Variants in EML4 observed in about 807,000 individuals in gnomAD.
EML4 encodes EMAP like 4.
Under a neutral mutation model 129.0 loss-of-function variants are expected in EML4, and 72 were observed. That is an observed-to-expected ratio of 0.56 (90% CI 0.46 to 0.68). The LOEUF (loss-of-function observed/expected upper bound fraction) is 0.68, where lower values mean the gene tolerates loss of function less well. Ranked by LOEUF, EML4 falls within the 30% of genes least tolerant of loss-of-function variation. The probability of loss-of-function intolerance (pLI) is 0.00; values close to 1 mark genes in which losing one functional copy is unlikely to be tolerated. For synonymous variants in EML4, 532 were observed against 405.0 expected (o/e 1.31, Z -3.77); for missense variants, 1,363 against 1,190.6 (o/e 1.14, Z -2.13).
Position 42,325,606 on chromosome 2 carries a change from ATAT to A in EML4, c.2242+53_2242+55del, listed in dbSNP as rs766389876. 6.6e-3 allele frequency: 188 copies of A among 28,630 alleles called. 7 individuals carry two copies. Among genetic ancestry groups the A allele is most frequent in the Non-Finnish European group, 8.5e-3 (143 of 16,774 alleles). 1.8% of individuals were successfully genotyped at this position (28,630 alleles called of 1,614,324 possible). On this transcript the variant is annotated intron_variant, in intron 20 of 22. Transcript: ENST00000318522. ...ATATATATGCTATGATTATATTTATATATATATATATATATATATATATATATA... is the reference window on the plus strand; with the variant it reads ...ATATATATGCTATGATTATATTTATAATATATATATATATATATATATATA...
At chr2:42,186,026 A>C (rs1484678417) in intron 1 of EML4, among the ~76,000 whole-genome samples, 1 of 152,172 alleles carries the variant, frequency 6.6e-6, no homozygotes, top group Non-Finnish European at 1.5e-5. Flanking sequence ...ATTATTTTAT[A>C]ATACCAATTA....
At chr2:42,282,111 C>T (rs893686572) in intron 7 of EML4, among the ~76,000 whole-genome samples, 1 of 152,086 alleles carries the variant, frequency 6.6e-6, no homozygotes, top group Admixed American at 6.6e-5. Context: ...TAAATTAGGT[C>T]CTCCATTTGG....
chr2:42,179,960 C>T (rs1240251023), intron 1 of EML4, among the ~76,000 whole-genome samples: 4 of 152,122 alleles, frequency 2.6e-5, no homozygotes, highest in African/African-American at 9.7e-5. Flanking sequence ...AGGGACAGAG[C>T]ATGCATATGT....
chr2:42,316,524 A>G (rs767971473), intron 18 of EML4, among the ~76,000 whole-genome samples: 8 of 152,250 alleles, frequency 5.3e-5, no homozygotes, highest in African/African-American at 7.2e-5. Flanking sequence ...TTAATTAAAT[A>G]CTTAGCAATT....
At chr2:42,208,277 A>C (rs570399315) in intron 1 of EML4, among the ~76,000 whole-genome samples, 49 of 152,150 alleles carry the variant, frequency 3.2e-4, no homozygotes, top group African/African-American at 1.1e-3. Flanking sequence ...AATCTGAGTA[A>C]TTTTGCCTTA....
intron 8 of EML4, among the ~76,000 whole-genome samples, chr2:42,283,241 C>T (rs1397918423): frequency 6.6e-6 from 1 of 152,192 alleles, no homozygotes; most frequent in African/African-American, 2.4e-5. Context: ...CTTCTCTTCT[C>T]TGGTCTGTAG....
intron 6 of EML4, among the ~76,000 whole-genome samples, chr2:42,270,348 C>G (rs1469551346): frequency 6.6e-6 from 1 of 152,092 alleles, no homozygotes; most frequent in Non-Finnish European, 1.5e-5. Context: ...TGCTTGAGCT[C>G]AGGAGTTCAA....
intron 1 of EML4, among the ~76,000 whole-genome samples, chr2:42,238,548 G>C (rs1370246365): frequency 6.6e-6 from 1 of 152,154 alleles, no homozygotes; most frequent in Non-Finnish European, 1.5e-5. Context: ...TTCAAGACCA[G>C]CTTGGGCAAT....
chr2:42,235,538 A>G (rs1406066474), intron 1 of EML4, among the ~76,000 whole-genome samples: 2 of 152,170 alleles, frequency 1.3e-5, no homozygotes, highest in Admixed American at 6.5e-5. Flanking sequence ...ACTCAACGTT[A>G]GCTTCTCTAA....
At chr2:42,313,837 G>T (rs577321394) in intron 17 of EML4, among the ~76,000 whole-genome samples, 1 of 151,968 alleles carries the variant, frequency 6.6e-6, no homozygotes, top group East Asian at 1.9e-4. Context: ...GCTGAGACAC[G>T]AGAATCGCTT....
At chr2:42,302,622 C>T (rs565838331) in intron 14 of EML4, among the ~76,000 whole-genome samples, 1 of 151,896 alleles carries the variant, frequency 6.6e-6, no homozygotes, top group Non-Finnish European at 1.5e-5. Context: ...CAACCTCTGC[C>T]TCCCGGATTC....
chr2:42,205,168 A>G (rs1672470959), intron 1 of EML4, among the ~76,000 whole-genome samples: 1 of 152,212 alleles, frequency 6.6e-6, no homozygotes, highest in Admixed American at 6.5e-5. Context: ...AGTCTTTACA[A>G]AGTTTGCCTC....
At chr2:42,302,365 A>G (rs1323547576) in intron 14 of EML4, among the ~76,000 whole-genome samples, 1 of 152,090 alleles carries the variant, frequency 6.6e-6, no homozygotes, top group Non-Finnish European at 1.5e-5. Flanking sequence ...TTATATTTTG[A>G]TCCTTACAAC....
At chr2:42,217,687 C>T (rs547970362) in intron 1 of EML4, among the ~76,000 whole-genome samples, 5 of 152,290 alleles carry the variant, frequency 3.3e-5, no homozygotes, top group East Asian at 3.9e-4. Flanking sequence ...TCCACATATT[C>T]GTTGTCTTAA....
chr2:42,193,848 G>A (rs1428379403), intron 1 of EML4, among the ~76,000 whole-genome samples: 1 of 152,012 alleles, frequency 6.6e-6, no homozygotes, highest in Non-Finnish European at 1.5e-5. Context: ...ACCATACCCA[G>A]CTAGTATCTT....
chr2:42,256,310 G>A (rs1385145105), intron 2 of EML4, among the ~76,000 whole-genome samples, 191 bp from the exon 3 acceptor site: 2 of 152,108 alleles, frequency 1.3e-5, no homozygotes, highest in African/African-American at 4.8e-5. Flanking sequence ...GGTCTGTTTC[G>A]ATGGGATTAA....
intron 5 of EML4, among the ~76,000 whole-genome samples, chr2:42,263,637 T>C (rs1665874248): frequency 6.6e-6 from 1 of 151,982 alleles, no homozygotes; most frequent in African/African-American, 2.4e-5. Context: ...TCTCTTGACC[T>C]CATGATCTGC....
intron 6 of EML4, among the ~76,000 whole-genome samples, chr2:42,268,623 A>G (rs1666199312): frequency 6.6e-6 from 1 of 152,068 alleles, no homozygotes; most frequent in Admixed American, 6.6e-5. Flanking sequence ...TACTTTATAG[A>G]GGCAGGGTGT....
At position 42,264,911 on chromosome 2, in the gene EML4, T is replaced by C. The variant is rs2104399587; in HGVS notation, c.667+180T>C. On this transcript the variant is annotated intron_variant, in intron 6 of 22. Transcript: ENST00000318522. ...ATTGTAAGGTAATGTCATTTTTGTCTCAACCAGCAAAAATGTCAACTCGCG... is the reference window on the plus strand; with the variant it reads ...ATTGTAAGGTAATGTCATTTTTGTCCCAACCAGCAAAAATGTCAACTCGCG... 1.9e-6 allele frequency: 3 copies of C among 1,550,466 alleles called. No homozygotes were observed. The East Asian group carries it at 7.3e-5, about 38-fold the overall frequency.
Sources: allele counts gnomAD v4.1 joint callset (sites outside exome capture counted in the v4.1 genomes callset), GRCh38; gene constraint gnomAD v4.1.1; transcripts MANE v1.5; gene names NCBI Gene and HGNC (gene_info 2026-07-23, HGNC 2026-07-21).